Variants in IGFBP7 observed in about 807,000 individuals in gnomAD.
IGFBP7 encodes insulin like growth factor binding protein 7.
In IGFBP7, 31 loss-of-function variants were observed where a neutral mutation model predicts 29.4. The ratio of observed to expected loss-of-function variants is 1.05; its 90% CI spans 0.79 to 1.42. The LOEUF is 1.42. Among genes scored for constraint, IGFBP7 ranks in the 40% most tolerant of loss-of-function variants. IGFBP7 has a pLI of 0.00. For synonymous variants in IGFBP7, 172 were observed against 174.9 expected (o/e 0.98, Z 0.13); for missense variants, 393 against 395.5 (o/e 0.99, Z 0.05).
At chr4:57,052,878 C>T (rs35375436) in intron 1 of IGFBP7, among the ~76,000 whole-genome samples, 35,978 of 151,964 alleles carry the variant, frequency 0.24, 4,538 homozygotes, top group East Asian at 0.34. Context: ...TATCTCACTA[C>T]GATGACTGTC....
At chr4:57,036,283 T>C (rs1431348948) in intron 2 of IGFBP7, among the ~76,000 whole-genome samples, 1 of 152,092 alleles carries the variant, frequency 6.6e-6, no homozygotes, top group East Asian at 1.9e-4. Context: ...GCAGTTCACA[T>C]TGGTTACCTC....
chr4:57,096,018 T>C (rs752058977), intron 1 of IGFBP7, among the ~76,000 whole-genome samples: 1 of 151,922 alleles, frequency 6.6e-6, no homozygotes, highest in African/African-American at 2.4e-5. Flanking sequence ...AGTGAACAAA[T>C]AGATAAAAAG....
intron 1 of IGFBP7, among the ~76,000 whole-genome samples, chr4:57,067,155 T>C (rs545709452): frequency 1.3e-5 from 2 of 152,308 alleles, no homozygotes; most frequent in Admixed American, 6.5e-5. Flanking sequence ...ATGATATATA[T>C]TTTCAAGGGC....
intron 1 of IGFBP7, among the ~76,000 whole-genome samples, chr4:57,041,453 G>GTGAT (rs1420472168): frequency 1.3e-5 from 2 of 152,208 alleles, no homozygotes; most frequent in African/African-American, 4.8e-5. Context: ...GTTGAAAAGG[G>GTGAT]TGATGAGGCA....
intron 1 of IGFBP7, among the ~76,000 whole-genome samples, chr4:57,051,966 C>T (rs1017372742): frequency 6.6e-6 from 1 of 152,124 alleles, no homozygotes; most frequent in Non-Finnish European, 1.5e-5. Flanking sequence ...GAATAGTGAG[C>T]ATGCGGGCCA....
At chr4:57,109,432 T>G (rs576350730) in intron 1 of IGFBP7, among the ~76,000 whole-genome samples, 13 of 149,932 alleles carry the variant, frequency 8.7e-5, no homozygotes, top group Non-Finnish European at 1.6e-4. Context: ...TCCTATCTTT[T>G]AAAAAAAAAA....
At chr4:57,069,121 G>T (rs79959158) in intron 1 of IGFBP7, among the ~76,000 whole-genome samples, 4,185 of 152,264 alleles carry the variant, frequency 0.027, 198 homozygotes, top group African/African-American at 0.096. Context: ...CCTTCTAGGG[G>T]TGTTTTTAGG....
chr4:57,072,850 C>A, intron 1 of IGFBP7: 1 of 617,904 alleles, frequency 1.6e-6, no homozygotes, highest in Non-Finnish European at 3.1e-6. Flanking sequence ...TAGAGCTCCC[C>A]AGGGGCTACC....
At chr4:57,109,732 T>A in intron 1 of IGFBP7, 145 bp downstream of exon 1, 2 of 1,016,534 alleles carry the variant, frequency 2.0e-6, no homozygotes, top group Non-Finnish European at 2.7e-6. Context: ...GGCTGCCAAC[T>A]CTTTCCCTCC....
At chr4:57,072,879 T>A in intron 1 of IGFBP7, 1 of 660,028 alleles carries the variant, frequency 1.5e-6, no homozygotes, top group East Asian at 3.4e-5. Context: ...GTACCCATGG[T>A]GAAGTTCCTC....
chr4:57,054,639 C>A (rs75618441), intron 1 of IGFBP7, among the ~76,000 whole-genome samples: 1,590 of 27,882 alleles, frequency 0.057, 607 homozygotes, highest in Middle Eastern at 0.33. Context: ...CTCTCTCTCA[C>A]AAAAAAAAAA....
At chr4:57,084,616 A>G (rs1725450652) in intron 1 of IGFBP7, among the ~76,000 whole-genome samples, 1 of 152,116 alleles carries the variant, frequency 6.6e-6, no homozygotes. Context: ...TCTTGCTTCC[A>G]CCACTTATAA....
At chr4:57,095,230 G>A (rs565635345) in intron 1 of IGFBP7, among the ~76,000 whole-genome samples, 5 of 152,256 alleles carry the variant, frequency 3.3e-5, no homozygotes, top group South Asian at 2.1e-4. Context: ...ATTAAATAAC[G>A]TGCCTTTAAA....
At chr4:57,043,365 A>G (rs1050688040) in intron 1 of IGFBP7, among the ~76,000 whole-genome samples, 2 of 152,202 alleles carry the variant, frequency 1.3e-5, no homozygotes, top group Non-Finnish European at 2.9e-5. Flanking sequence ...CTATCCTAGC[A>G]AAGTACAAAC....
intron 1 of IGFBP7, among the ~76,000 whole-genome samples, chr4:57,096,401 T>A (rs6832199): frequency 6.6e-6 from 1 of 151,326 alleles, no homozygotes; most frequent in South Asian, 2.1e-4. Flanking sequence ...TGACTTGAAG[T>A]CTTTTTAGAA....
chr4:57,073,010 G>GTT (rs1317132774), intron 1 of IGFBP7: 31 of 1,040,994 alleles, frequency 3.0e-5, no homozygotes, highest in Non-Finnish European at 4.5e-5. Context: ...CAGCCTTCGA[G>GTT]GCAAACCCAA....
At chr4:57,096,822 G>T (rs1399089320) in intron 1 of IGFBP7, among the ~76,000 whole-genome samples, 1 of 152,140 alleles carries the variant, frequency 6.6e-6, no homozygotes, top group Non-Finnish European at 1.5e-5. Flanking sequence ...AAATACATCT[G>T]TTTATAGTTG....
intron 1 of IGFBP7, among the ~76,000 whole-genome samples, chr4:57,105,907 A>T (rs1236571345): frequency 4.4e-5 from 6 of 135,826 alleles, no homozygotes; most frequent in East Asian, 2.2e-4. Flanking sequence ...CATTTTTTAA[A>T]TTTTTTTTTT....
intron 1 of IGFBP7, among the ~76,000 whole-genome samples, chr4:57,049,015 A>G (rs1469829613): frequency 6.6e-6 from 1 of 152,202 alleles, no homozygotes; most frequent in African/African-American, 2.4e-5. Context: ...TTTGACATTT[A>G]TGAAGTTCTG....
Sources: gnomAD v4.1 joint callset for allele counts (sites outside exome capture counted in the v4.1 genomes callset) on GRCh38, gnomAD v4.1.1 for gene constraint, MANE v1.5 for transcripts, NCBI Gene and HGNC (gene_info 2026-07-23, HGNC 2026-07-21) for gene names.